ATP1A3: variants seen among roughly 807,000 people sequenced by gnomAD.
The protein encoded by ATP1A3 is sodium/potassium-transporting ATPase subunit alpha-3.
Under a neutral mutation model 108.8 loss-of-function variants are expected in ATP1A3, and 12 were observed. The observed-to-expected ratio is 0.11, with a 90% CI of 0.07 to 0.18. The LOEUF (loss-of-function observed/expected upper bound fraction) is 0.18. Among genes scored for constraint, ATP1A3 ranks in the 10% least tolerant of loss-of-function variants. ATP1A3 has a pLI of 1.00. For synonymous variants in ATP1A3, 539 were observed against 564.5 expected, an observed-to-expected ratio of 0.95 and a Z score of 0.64; for missense variants, 498 against 1,387.7, an observed-to-expected ratio of 0.36 and a Z score of 10.19.
intron 16 of ATP1A3, among the ~76,000 whole-genome samples, chr19:41,974,101 T>C (rs1431939873): frequency 6.6e-6 from 1 of 152,036 alleles, no homozygotes; most frequent in African/African-American, 2.4e-5. Flanking sequence ...TGTGGTGGCA[T>C]GCACCTGTAA....
At chr19:41,970,160 G>A in intron 18 of ATP1A3, 25 bp downstream of exon 18, 1 of 1,614,238 alleles carries the variant, frequency 6.2e-7, no homozygotes, top group Non-Finnish European at 8.5e-7. Context: ...TGGGTGGTAA[G>A]GAGATGGAGT....
At chr19:41,977,514 C>T (rs1398473082) in intron 14 of ATP1A3, among the ~76,000 whole-genome samples, 1 of 132,412 alleles carries the variant, frequency 7.6e-6, no homozygotes, top group Non-Finnish European at 1.6e-5. Flanking sequence ...AGTGAAACCC[C>T]CGTCTCTACT....
chr19:41,993,906 G>T, intron 1 of ATP1A3, 165 bp downstream of exon 1: 1 of 1,312,536 alleles, frequency 7.6e-7, no homozygotes, highest in Non-Finnish European at 1.0e-6. Context: ...GCCGCCCCCT[G>T]CGGCCCCACG....
At position 41,994,116 on chromosome 19, in the gene ATP1A3, G is replaced by GGGGAC; in HGVS notation, c.-45_-41dup. Reference sequence around the variant, plus strand: ...GGCGAGAGAGCCAGGCGGGCGGGGCGGGGACCTCGGGGCGGGCTCAGGCTC... The same window carrying GGGGAC: ...GGCGAGAGAGCCAGGCGGGCGGGGCGGGGACGGGACCTCGGGGCGGGCTCAGGCTC... On this transcript the variant is annotated 5_prime_UTR_variant, in exon 1 of 23. Transcript: ENST00000648268. 6.4e-7 allele frequency: 1 copy of GGGGAC among 1,555,804 alleles called. No homozygotes were observed. Among genetic ancestry groups the GGGGAC allele is most frequent in the Non-Finnish European group, 8.7e-7 (1 of 1,155,484 alleles).
At position 41,978,473 on chromosome 19, in the gene ATP1A3, A is replaced by G; in HGVS notation, c.1630+133T>C. ...ATTTCCTAGGATACCTTCCCCTCTC[A>G]TCCATCCATTCATTCATTCATTCAT... On this transcript the variant is annotated intron_variant, in intron 12 of 22. Coordinates refer to ENST00000648268, the MANE Select transcript of ATP1A3 (RefSeq NM_152296.5). The surrounding 1 kb of genome is among the most constrained non-coding windows in gnomAD (Gnocchi z 8.3). 1 of 1,486,424 alleles carries G rather than the reference A, an allele frequency of 6.7e-7. No individual in the cohort carries two copies. The highest frequency in any genetic ancestry group is 9.2e-7 in the Non-Finnish European group (1 of 1,086,178). The allele number at this position is 1,486,424 out of a possible 1,614,324, so 92.1% of individuals were successfully genotyped here.
Position 41,988,859 on chromosome 19 carries a change from T to TCTGG in ATP1A3, c.7-301_7-298dup, listed in dbSNP as rs554933389. Among the ~76,000 whole-genome samples, 57 of 152,348 alleles carry TCTGG rather than the reference T, an allele frequency of 3.7e-4. 1 individual carries two copies. The South Asian group carries it at 0.012, about 31-fold the overall frequency. ...GAGTCTCTGTCCCCGAAGGTCCCTG[T>TCTGG]CTGGCTTCTGCCTGTGTTTCAGTCT... On this transcript the variant is annotated intron_variant, in intron 1 of 22. Coordinates refer to ENST00000648268, the MANE Select transcript of ATP1A3 (RefSeq NM_152296.5). This position sits in a 1 kb window ranked among gnomAD's most constrained non-coding sequence, Gnocchi z 5.3.
intron 14 of ATP1A3, among the ~76,000 whole-genome samples, chr19:41,976,789 T>G (rs1231285008): frequency 2.6e-5 from 4 of 151,762 alleles, no homozygotes; most frequent in Non-Finnish European, 4.4e-5. Flanking sequence ...TGGATTTATT[T>G]ATTTATTTAT....
Position 41,981,913 on chromosome 19 carries a change from T to C in ATP1A3, c.1187A>G (p.Gln396Arg). The C allele has an allele frequency of 6.2e-7, 1 of 1,614,224 alleles. No homozygotes were observed. The highest frequency in any genetic ancestry group is 8.5e-7 in the Non-Finnish European group (1 of 1,180,040). ...QIHEADTTEDQSGTSFDKSSH... is the reference protein window; with the variant it reads ...QIHEADTTEDRSGTSFDKSSH... ...CACCCGGGGCCTGCGCTCACCTGAC[T>C]GGTCCTCAGTGGTGTCAGCCTCGTG... Residue 396 changes from glutamine to arginine, a missense_variant, in exon 9 of 23, where the codon CAG becomes CGG. Gln to Arg is a conservative substitution (Grantham distance 43). This residue lies in a region of ATP1A3 where 36 missense variants were observed against 58.7 expected (regional missense o/e 0.61). Coordinates refer to ENST00000648268, the MANE Select transcript of ATP1A3 (RefSeq NM_152296.5). The surrounding 1 kb of genome is among the most constrained non-coding windows in gnomAD (Gnocchi z 5.0).
Position 41,978,489 on chromosome 19 carries a change from A to T in ATP1A3, c.1630+117T>A. 6.7e-7 allele frequency: 1 copy of T among 1,499,948 alleles called. No individual in the cohort carries two copies. Among genetic ancestry groups the T allele is most frequent in the Non-Finnish European group, 9.1e-7 (1 of 1,093,540 alleles). The allele number at this position is 1,499,948 out of a possible 1,614,324, so 92.9% of individuals were successfully genotyped here. On this transcript the variant is annotated intron_variant, in intron 12 of 22. Coordinates refer to ENST00000648268, the MANE Select transcript of ATP1A3 (RefSeq NM_152296.5). The surrounding 1 kb of genome is among the most constrained non-coding windows in gnomAD (Gnocchi z 8.3). The stretch of plus-strand genomic sequence containing the variant: ...TCCCCTCTCATCCATCCATTCATTC[A>T]TTCATTCATTCATTTACAGTATATT...
In ATP1A3 at chr19:41,970,218, C is replaced by T. The variant is rs2075087967; in HGVS notation, c.2509G>A (p.Glu837Lys). The T allele has an allele frequency of 1.2e-6, 2 of 1,614,244 alleles. No homozygotes were observed. Among genetic ancestry groups the T allele is most frequent in the Non-Finnish European group, 1.7e-6 (2 of 1,180,040 alleles). ...CCGTAGGCCATGCTGATGAGTCTCT[C>T]ATTGACCAATTTGTCCGTCCGCGGG... ...RNPRTDKLVN[E>K]RLISMAYGQI... is the part of the protein sequence containing the mutation. Residue 837 changes from glutamate to lysine, a missense_variant, in exon 18 of 23, where the codon GAG becomes AAG. By Grantham distance (56) the Glu-to-Lys change is moderately conservative (BLOSUM62 1). This residue lies in a region of ATP1A3 where 121 missense variants were observed against 425.1 expected (regional missense o/e 0.28). Coordinates refer to ENST00000648268, the MANE Select transcript of ATP1A3 (RefSeq NM_152296.5).
intron 14 of ATP1A3, among the ~76,000 whole-genome samples, chr19:41,977,485 A>C (rs1236731473): frequency 2.0e-5 from 3 of 151,018 alleles, no homozygotes; most frequent in African/African-American, 4.9e-5. Context: ...CAGGAGTTCG[A>C]GACCAGCCTG....
chr19:41,993,305 C>A (rs1555868018), intron 1 of ATP1A3: 3 of 1,338,986 alleles, frequency 2.2e-6, no homozygotes, highest in Non-Finnish European at 3.1e-6. Flanking sequence ...GACACACGGA[C>A]ACAGAGGCAA....
intron 14 of ATP1A3, among the ~76,000 whole-genome samples, chr19:41,977,636 C>T (rs1555861827): frequency 1.3e-5 from 2 of 152,084 alleles, no homozygotes; most frequent in African/African-American, 4.8e-5. Flanking sequence ...GAGGCGGAGG[C>T]TGCAGTGAGC....
chr19:41,984,409 G>C (rs899851319), intron 8 of ATP1A3: 4 of 157,146 alleles, frequency 2.5e-5, no homozygotes, highest in Middle Eastern at 3.4e-3. Flanking sequence ...ATTTTCAGTA[G>C]AGACAGGGTT....
chr19:41,993,437 C>T, intron 1 of ATP1A3: 1 of 1,535,456 alleles, frequency 6.5e-7, no homozygotes, highest in Non-Finnish European at 8.7e-7. Context: ...CCCATGCCTG[C>T]TCCCCTACAT....
intron 1 of ATP1A3, among the ~76,000 whole-genome samples, chr19:41,992,314 A>T (rs1555867722): frequency 1.3e-5 from 2 of 152,106 alleles, no homozygotes; most frequent in African/African-American, 4.8e-5. Flanking sequence ...AGGCTTTCCC[A>T]GTCAAGGCAG....
Position 41,967,930 on chromosome 19 carries a change from G to A in ATP1A3, c.2820-167C>T, listed in dbSNP as rs1218803855. Reference sequence around the variant, plus strand: ...AGACAGAGATGGGGAGACATGCCCCGACAGAGAGAGACAAAGATAGAGGCA... The same window carrying A: ...AGACAGAGATGGGGAGACATGCCCCAACAGAGAGAGACAAAGATAGAGGCA... On this transcript the variant is annotated intron_variant, in intron 20 of 22. Coordinates refer to ENST00000648268, the MANE Select transcript of ATP1A3 (RefSeq NM_152296.5). This position sits in a 1 kb window ranked among gnomAD's most constrained non-coding sequence, Gnocchi z 4.2. Among the ~76,000 whole-genome samples, 8 of 151,968 alleles carry A rather than the reference G, an allele frequency of 5.3e-5. No homozygotes were observed. Among genetic ancestry groups the A allele is most frequent in the African/African-American group, 1.2e-4 (5 of 41,372 alleles).
rs541952229 is a variant in ATP1A3, at chr19:41,989,615, G to A, written c.7-1053C>T. Among the ~76,000 whole-genome samples the A allele has an allele frequency of 4.3e-4, 65 of 152,218 alleles. No homozygotes were observed. In the East Asian group the frequency reaches 6.8e-3, roughly 16 times the overall value. On this transcript the variant is annotated intron_variant, in intron 1 of 22. Coordinates refer to ENST00000648268, the MANE Select transcript of ATP1A3 (RefSeq NM_152296.5). The stretch of plus-strand genomic sequence containing the variant: ...ATTACAGGCGTGAGCCACCGTGCCC[G>A]GCCTCGTATCTGTCTTTTCTATGTC...
In ATP1A3 at chr19:41,994,085, C is replaced by T. The variant is rs782394123; in HGVS notation, c.-9G>A. 2 of 1,596,468 alleles carry T rather than the reference C, an allele frequency of 1.3e-6. No individual in the cohort carries two copies. The highest frequency in any genetic ancestry group is 2.3e-5 in the East Asian group (1 of 43,100). ...TCAGCACCTACCCCCATCTTGGCGG[C>T]TCCGCGGCGAGAGAGCCAGGCGGGC... On this transcript the variant is annotated 5_prime_UTR_variant, in exon 1 of 23. Coordinates refer to ENST00000648268, the MANE Select transcript of ATP1A3 (RefSeq NM_152296.5).
Sources: gnomAD v4.1 joint callset for allele counts (sites outside exome capture counted in the v4.1 genomes callset) on GRCh38, gnomAD v4.1.1 for gene constraint, gnomAD v4.1.1 regional missense constraint, Gnocchi (gnomAD v3.1) non-coding constraint, MANE v1.5 for transcripts, NCBI Gene and HGNC (gene_info 2026-07-23, HGNC 2026-07-21) for gene names.